The following ANKRD6 variants were observed in gnomAD, a reference collection of about 807,000 sequenced individuals.
ANKRD6 encodes the protein ankyrin repeat domain 6.
In ANKRD6, 56 loss-of-function variants were observed where a neutral mutation model predicts 82.3. The observed-to-expected ratio is 0.68, with a 90% CI of 0.55 to 0.85. The LOEUF (loss-of-function observed/expected upper bound fraction) is 0.85, where lower values mean the gene tolerates loss of function less well. Among genes scored for constraint, ANKRD6 ranks in the 40% least tolerant of loss-of-function variants. The pLI is 0.00. For synonymous variants in ANKRD6, 347 were observed against 352.1 expected, an observed-to-expected ratio of 0.99 and a Z score of 0.16; for missense variants, 852 against 907.6, an observed-to-expected ratio of 0.94 and a Z score of 0.79.
In ANKRD6 at chr6:89,606,102, C is replaced by T. The variant is rs762983379; in HGVS notation, c.414C>T (p.Asn138=). The T allele has an allele frequency of 6.4e-7, 1 of 1,564,332 alleles. No homozygotes were observed. The highest frequency in any genetic ancestry group is 1.2e-5 in the South Asian group (1 of 84,084). The change falls in exon 5 of 16, where the codon AAC becomes AAT. Residue 138 remains asparagine, a synonymous_variant. Transcript: ENST00000339746. ...IKAGANVLAK[N]KAGNTALHLA... ...CAGGAGCCAACGTGCTTGCCAAGAA[C>T]AAGGTGAGGCCTGGCAGATGCTAGA...
chr6:89,558,784 C>G (rs1469190973), intron 1 of ANKRD6, among the ~76,000 whole-genome samples: 1 of 115,662 alleles, frequency 8.6e-6, no homozygotes, highest in Non-Finnish European at 1.6e-5. Context: ...CACACTAATA[C>G]AAGATGTTAT....
chr6:89,457,351 A>G (rs557375427), intron 1 of ANKRD6, among the ~76,000 whole-genome samples: 2 of 152,302 alleles, frequency 1.3e-5, no homozygotes, highest in South Asian at 2.1e-4. Flanking sequence ...GAGACAGACT[A>G]CCATAAATTG....
rs1807475564 is a variant in ANKRD6, at chr6:89,631,886, A to C, written c.*882A>C. Reference sequence around the variant, plus strand: ...TTATAATGAATAAGGCTATTTTTTGAAAGTATTTCATTTTGAATTCTGTCA... The same window carrying C: ...TTATAATGAATAAGGCTATTTTTTGCAAGTATTTCATTTTGAATTCTGTCA... On this transcript the variant is annotated 3_prime_UTR_variant, in exon 16 of 16. Coordinates refer to ENST00000339746, the MANE Select transcript of ANKRD6 (RefSeq NM_001242809.2). 6.6e-6 allele frequency: 1 copy of C among 152,196 alleles called. No homozygotes were observed. The highest frequency in any genetic ancestry group is 1.9e-4 in the East Asian group (1 of 5,200). 9.4% of individuals were successfully genotyped at this position (152,196 alleles called of 1,614,324 possible).
Position 89,530,629 on chromosome 6 carries a change from C to A in ANKRD6, c.-143-36205C>A, listed in dbSNP as rs377730887. ...GTGTTCATTTTGTGCAGTGCCCAGA[C>A]AGCACCAGGCTGGCCACTCACAGTG... On this transcript the variant is annotated intron_variant, in intron 1 of 15. Coordinates refer to ENST00000339746, the MANE Select transcript of ANKRD6 (RefSeq NM_001242809.2). 7.9e-5 allele frequency among the ~76,000 whole-genome samples: 12 copies of A among 152,330 alleles called. No individual in the cohort carries two copies. The East Asian group carries it at 1.5e-3, about 20-fold the overall frequency.
chr6:89,471,963 A>G (rs7763465), intron 1 of ANKRD6, among the ~76,000 whole-genome samples: 659 of 143,384 alleles, frequency 4.6e-3, no homozygotes, highest in African/African-American at 0.014. Flanking sequence ...AAAAAAAAAA[A>G]AGAGAGAGAG....
intron 2 of ANKRD6, among the ~76,000 whole-genome samples, chr6:89,571,803 C>T (rs1161913791): frequency 6.6e-6 from 1 of 152,160 alleles, no homozygotes; most frequent in Non-Finnish European, 1.5e-5. Context: ...GTTTACATTA[C>T]GGCTTATTCT....
At position 89,448,113 on chromosome 6, in the gene ANKRD6, T is replaced by C. The variant is rs563243518; in HGVS notation, c.-144+14738T>C. Among the ~76,000 whole-genome samples the C allele has an allele frequency of 1.4e-3, 219 of 152,228 alleles. 2 individuals are homozygous for C. Among genetic ancestry groups the C allele is most frequent in the African/African-American group, 5.2e-3 (216 of 41,542 alleles). On this transcript the variant is annotated intron_variant, in intron 1 of 15. Transcript: ENST00000339746. ...AGTTGAAGCCAGTTCTCATTTACCA[T>C]TTGGAAAATCCTAGGACATTTTAAG... is the stretch of plus-strand genomic sequence containing the variant.
At chr6:89,609,613 C>T (rs920789946) in intron 5 of ANKRD6, among the ~76,000 whole-genome samples, 10 of 151,210 alleles carry the variant, frequency 6.6e-5, no homozygotes, top group Middle Eastern at 3.4e-3. Flanking sequence ...GTAATCACCA[C>T]GTTTTTTTGT....
chr6:89,449,737 C>G (rs1366254634), intron 1 of ANKRD6, among the ~76,000 whole-genome samples: 1 of 152,188 alleles, frequency 6.6e-6, no homozygotes, highest in Non-Finnish European at 1.5e-5. Context: ...CCAATAAAAG[C>G]TTCCCTTTAC....
chr6:89,438,705 C>A (rs1011646595), intron 1 of ANKRD6, among the ~76,000 whole-genome samples: 3 of 151,950 alleles, frequency 2.0e-5, no homozygotes, highest in African/African-American at 7.3e-5. Flanking sequence ...TGCAATGGTG[C>A]GATCTTGGCT....
At chr6:89,574,225 G>T (rs1790593355) in intron 2 of ANKRD6, among the ~76,000 whole-genome samples, 2 of 152,172 alleles carry the variant, frequency 1.3e-5, no homozygotes, top group African/African-American at 4.8e-5. Context: ...GTGCTATTGG[G>T]ACTTTCCTGT....
intron 2 of ANKRD6, among the ~76,000 whole-genome samples, chr6:89,588,834 T>C (rs1031842453): frequency 6.6e-6 from 1 of 151,876 alleles, no homozygotes; most frequent in African/African-American, 2.4e-5. Context: ...GGTGAAACCC[T>C]GTCTCTACTA....
intron 1 of ANKRD6, among the ~76,000 whole-genome samples, chr6:89,563,566 C>G (rs1787834563): frequency 6.6e-6 from 1 of 152,266 alleles, no homozygotes; most frequent in South Asian, 2.1e-4. Flanking sequence ...AGAGGAGGCT[C>G]AGATATAAGG....
chr6:89,602,843 G>C (rs1200197836), intron 3 of ANKRD6, 186 bp from the exon 4 acceptor site: 3 of 537,042 alleles, frequency 5.6e-6, no homozygotes, highest in South Asian at 5.3e-5. Flanking sequence ...TTCTCTGCCA[G>C]CGTGCGTTGT....
intron 1 of ANKRD6, among the ~76,000 whole-genome samples, chr6:89,533,351 T>C (rs1224123251): frequency 1.3e-5 from 2 of 152,298 alleles, no homozygotes; most frequent in South Asian, 2.1e-4. Context: ...GGCTTTAAAA[T>C]AATAATGAGT....
At chr6:89,474,726 T>A (rs1280646870) in intron 1 of ANKRD6, among the ~76,000 whole-genome samples, 1 of 152,172 alleles carries the variant, frequency 6.6e-6, no homozygotes, top group Non-Finnish European at 1.5e-5. Context: ...CTTTCTCATC[T>A]TTTTAAATCT....
chr6:89,458,540 G>A (rs954490182), intron 1 of ANKRD6, among the ~76,000 whole-genome samples: 18 of 152,188 alleles, frequency 1.2e-4, no homozygotes, highest in African/African-American at 3.9e-4. Context: ...AAGTCCAAGA[G>A]TCCAAAAGCT....
At chr6:89,622,098 G>C (rs182813590) in intron 10 of ANKRD6, 72 bp downstream of exon 10, 2 of 1,442,000 alleles carry the variant, frequency 1.4e-6, no homozygotes, top group Admixed American at 1.9e-5. Flanking sequence ...TCCCTGCTTC[G>C]GCCAGGTTCA....
intron 1 of ANKRD6, among the ~76,000 whole-genome samples, chr6:89,449,631 A>G (rs62415439): frequency 0.15 from 22,791 of 152,160 alleles, 2,194 homozygotes; most frequent in East Asian, 0.4. Flanking sequence ...ATACCTGCCC[A>G]GTAACGGCAT....
Sources: allele counts gnomAD v4.1 joint callset (sites outside exome capture counted in the v4.1 genomes callset), GRCh38; gene constraint gnomAD v4.1.1; transcripts MANE v1.5; gene names NCBI Gene and HGNC (gene_info 2026-07-23, HGNC 2026-07-21).